The following CELF4 variants were observed in gnomAD, a reference collection of about 807,000 sequenced individuals.
CELF4 encodes CUG-BP- and ETR-3-like factor 4.
CELF4 carries 18 observed loss-of-function variants against 59.9 expected under a neutral mutation model. The observed-to-expected ratio is 0.30, with a 90% confidence interval of 0.21 to 0.45. CELF4 has a LOEUF of 0.45. CELF4 is among the 20% of genes least tolerant of loss of function. The probability of loss-of-function intolerance (pLI) is 1.00; values close to 1 mark genes in which losing one functional copy is unlikely to be tolerated. For synonymous variants in CELF4, 261 were observed against 267.1 expected (o/e 0.98, Z 0.22); for missense variants, 456 against 689.0 (o/e 0.66, Z 3.79).
chr18:37,260,229 T>C (rs1465572762), intron 10 of CELF4, among the ~76,000 whole-genome samples: 1 of 152,240 alleles, frequency 6.6e-6, no homozygotes. Flanking sequence ...AAAATCTCAA[T>C]ATCCCAGATC....
chr18:37,489,023 A>C (rs910136581), intron 1 of CELF4, among the ~76,000 whole-genome samples: 1 of 152,204 alleles, frequency 6.6e-6, no homozygotes, highest in East Asian at 1.9e-4. Flanking sequence ...TGCAGTGTCA[A>C]TATCAGTTCA....
At chr18:37,436,935 A>G (rs935322643) in intron 2 of CELF4, among the ~76,000 whole-genome samples, 2 of 152,224 alleles carry the variant, frequency 1.3e-5, no homozygotes, top group Admixed American at 6.5e-5. Context: ...TATAATGCAG[A>G]TTAATTTATT....
intron 3 of CELF4, among the ~76,000 whole-genome samples, chr18:37,307,099 AG>A (rs1359937840): frequency 6.6e-6 from 1 of 152,124 alleles, no homozygotes; most frequent in Non-Finnish European, 1.5e-5. Context: ...GAGGGAAGGT[AG>A]GTGGCTGTGA....
chr18:37,346,632 A>G (rs895909715), intron 2 of CELF4, among the ~76,000 whole-genome samples: 2 of 152,198 alleles, frequency 1.3e-5, no homozygotes, highest in Non-Finnish European at 2.9e-5. Flanking sequence ...AGGGGTGCCC[A>G]GTTAAATGGG....
rs947239131 is a variant in CELF4 at position 37,498,358 on chromosome 18, CCCTTT to C, written c.287-12756_287-12752del. ...CTTCTTCCCTTCCCTTCCCTCCCCT[CCCTTT>C]CCTTTCCTTTCCCTCCTTTCCATCA... On this transcript the variant is annotated intron_variant, in intron 1 of 12. Coordinates refer to ENST00000420428, the MANE Select transcript of CELF4 (RefSeq NM_020180.4). Among the ~76,000 whole-genome samples, 18 of 137,236 alleles carry C rather than the reference CCCTTT, an allele frequency of 1.3e-4. No homozygotes were observed. In the East Asian group the frequency reaches 2.4e-3, roughly 18 times the overall value. 90.0% of individuals were successfully genotyped at this position (137,236 alleles called of 152,430 possible).
At chr18:37,521,300 A>G (rs1020964171) in intron 1 of CELF4, among the ~76,000 whole-genome samples, 1 of 152,256 alleles carries the variant, frequency 6.6e-6, no homozygotes, top group African/African-American at 2.4e-5. Context: ...ATTAGCACGT[A>G]TGGAGAACTG....
chr18:37,353,889 T>C (rs2098514507), intron 2 of CELF4, among the ~76,000 whole-genome samples: 1 of 151,522 alleles, frequency 6.6e-6, no homozygotes. Flanking sequence ...CCCAAGTAGC[T>C]GGGACTACAG....
Position 37,482,781 on chromosome 18 carries a change from C to G in CELF4, c.369+2744G>C, listed in dbSNP as rs2099871688. 3.9e-5 allele frequency among the ~76,000 whole-genome samples: 6 copies of G among 152,144 alleles called. No individual in the cohort carries two copies. The South Asian group carries it at 1.2e-3, about 32-fold the overall frequency. On this transcript the variant is annotated intron_variant, in intron 2 of 12. Coordinates refer to ENST00000420428, the MANE Select transcript of CELF4 (RefSeq NM_020180.4). ...GACAGCAATGGGATTATTTTTCTTG[C>G]TGGCAACAGGATGCGAGCTCCATAA...
chr18:37,318,005 C>T (rs2096927131), intron 3 of CELF4, among the ~76,000 whole-genome samples: 1 of 152,240 alleles, frequency 6.6e-6, no homozygotes, highest in Non-Finnish European at 1.5e-5. Flanking sequence ...AAGCCTTCCT[C>T]CTGCCCCCTG....
In CELF4 at chr18:37,380,202, TG is replaced by T. The variant is rs1465043166; in HGVS notation, c.370-58322del. On this transcript the variant is annotated intron_variant, in intron 2 of 12. Coordinates refer to ENST00000420428, the MANE Select transcript of CELF4 (RefSeq NM_020180.4). ...AGTTCACCTGCTCTCACCTCCCTCT[TG>T]GACCAGCTGCCATCCCTCCCACTTC... 2.0e-5 allele frequency among the ~76,000 whole-genome samples: 3 copies of T among 152,306 alleles called. No homozygotes were observed. The East Asian group carries it at 5.8e-4, about 29-fold the overall frequency.
chr18:37,485,454 C>A, intron 2 of CELF4, 71 bp downstream of exon 2: 1 of 1,005,572 alleles, frequency 9.9e-7, no homozygotes, highest in South Asian at 4.6e-5. Flanking sequence ...CGCGCCGCGC[C>A]GCCGCCCGGC....
intron 3 of CELF4, among the ~76,000 whole-genome samples, chr18:37,288,737 T>C (rs2095061045): frequency 6.6e-6 from 1 of 152,176 alleles, no homozygotes; most frequent in South Asian, 2.1e-4. Flanking sequence ...TTCTTTCTAA[T>C]GACTAATGAG....
intron 2 of CELF4, among the ~76,000 whole-genome samples, chr18:37,447,598 A>G (rs1192202119): frequency 6.6e-6 from 1 of 152,006 alleles, no homozygotes; most frequent in Non-Finnish European, 1.5e-5. Flanking sequence ...GCCCTGGCCC[A>G]CCCAGCACAT....
rs561464294 is a variant in CELF4, at chr18:37,243,186, C to CTTTTTTTTTTTTTTTTTTTTTTTTTT, written c.*2055_*2056insAAAAAAAAAAAAAAAAAAAAAAAAAA. 7.0e-5 allele frequency: 7 copies of CTTTTTTTTTTTTTTTTTTTTTTTTTT among 100,554 alleles called. No homozygotes were observed. The highest frequency in any genetic ancestry group is 1.1e-4 in the Admixed American group (1 of 9,102). 6.2% of individuals were successfully genotyped at this position (100,554 alleles called of 1,614,324 possible). On this transcript the variant is annotated 3_prime_UTR_variant, in exon 13 of 13. Transcript: ENST00000420428. ...TGTTTTCTTTTTTTTTTCTTTTTTT[C>CTTTTTTTTTTTTTTTTTTTTTTTTTT]TTTTTTTTTTTTTTTTTTTTACATC...
chr18:37,556,112 C>T (rs552024477), intron 1 of CELF4, among the ~76,000 whole-genome samples: 2 of 152,280 alleles, frequency 1.3e-5, no homozygotes, highest in South Asian at 4.2e-4. Flanking sequence ...TGCCTCTTGT[C>T]TCCGAGGACT....
At chr18:37,447,749 T>C (rs1464777186) in intron 2 of CELF4, among the ~76,000 whole-genome samples, 1 of 152,238 alleles carries the variant, frequency 6.6e-6, no homozygotes, top group Non-Finnish European at 1.5e-5. Flanking sequence ...GCCCTGGTGT[T>C]CGGGTTTGGG....
chr18:37,492,428 T>C (rs1416619003), intron 1 of CELF4, among the ~76,000 whole-genome samples: 1 of 152,174 alleles, frequency 6.6e-6, no homozygotes, highest in African/African-American at 2.4e-5. Flanking sequence ...GTAGCATCTC[T>C]GGGAGTGGAT....
At chr18:37,277,480 T>G (rs1602067810) in intron 3 of CELF4, among the ~76,000 whole-genome samples, 1 of 150,066 alleles carries the variant, frequency 6.7e-6, no homozygotes, top group Admixed American at 6.6e-5. Context: ...AGAGGGAGGG[T>G]GGAAGAGAAA....
At chr18:37,457,349 G>A (rs1343640160) in intron 2 of CELF4, among the ~76,000 whole-genome samples, 1 of 152,080 alleles carries the variant, frequency 6.6e-6, no homozygotes, top group Non-Finnish European at 1.5e-5. Flanking sequence ...CAGTCCTCCT[G>A]AAAGCCCCCT....
Sources: allele counts gnomAD v4.1 joint callset (sites outside exome capture counted in the v4.1 genomes callset), GRCh38; gene constraint gnomAD v4.1.1; transcripts MANE v1.5; gene names NCBI Gene and HGNC (gene_info 2026-07-23, HGNC 2026-07-21).